Variants in C18orf54 observed in about 807,000 individuals in gnomAD.
C18orf54 encodes the protein chromosome 18 open reading frame 54.
Under a neutral mutation model 49.3 loss-of-function variants are expected in C18orf54, and 49 were observed. That is an observed-to-expected ratio of 0.99 (90% CI 0.79 to 1.26). C18orf54 has a LOEUF of 1.26. Among genes scored for constraint, C18orf54 ranks in the 50% most tolerant of loss-of-function variants. The pLI is 0.00. For missense variants in C18orf54, 687 were observed against 620.6 expected (o/e 1.11, Z -1.14); for synonymous variants, 211 against 216.6 (o/e 0.97, Z 0.23).
At chr18:54,371,760 TA>T (rs755608381) in intron 6 of C18orf54, among the ~76,000 whole-genome samples, 23 of 152,284 alleles carry the variant, frequency 1.5e-4, no homozygotes, top group African/African-American at 4.3e-4. Flanking sequence ...TGAAATATAT[TA>T]AATTACAGAC....
chr18:54,362,230 A>G lies in C18orf54; in HGVS notation c.871A>G (p.Arg291Gly). ...QIFKDDQCSP[R>G]HSHQAQGTSR... ...ATTTAAAGATGATCAGTGTTCCCCT[A>G]GACATAGTCATCAGGCACAAGGAAC... Residue 291 changes from arginine to glycine, a missense_variant, in exon 4 of 9, where the codon AGA becomes GGA. Transcript: ENST00000620105. 6.5e-7 allele frequency: 1 copy of G among 1,536,428 alleles called. No individual in the cohort carries two copies. The highest frequency in any genetic ancestry group is 8.7e-7 in the Non-Finnish European group (1 of 1,146,926).
Position 54,372,607 on chromosome 18 carries a change from A to G in C18orf54, c.1458+10A>G. 6.4e-7 allele frequency: 1 copy of G among 1,562,162 alleles called. No individual in the cohort carries two copies. The highest frequency in any genetic ancestry group is 8.7e-7 in the Non-Finnish European group (1 of 1,153,376). On this transcript the variant is annotated intron_variant, in intron 7 of 8. Transcript: ENST00000620105. ...AGAAGAGATTAAACAAGTAAGCACAAACATGATTTATGAATTGAGATTTGT... is the reference window on the plus strand; with the variant it reads ...AGAAGAGATTAAACAAGTAAGCACAGACATGATTTATGAATTGAGATTTGT...
intron 8 of C18orf54, among the ~76,000 whole-genome samples, chr18:54,376,975 A>G (rs1230054891): frequency 2.0e-5 from 3 of 152,030 alleles, no homozygotes; most frequent in Admixed American, 6.6e-5. Context: ...GCTCACCATA[A>G]ATGGAAATTA....
At chr18:54,371,955 A>AGT (rs1433376434) in intron 6 of C18orf54, among the ~76,000 whole-genome samples, 1 of 152,108 alleles carries the variant, frequency 6.6e-6, no homozygotes, top group Admixed American at 6.5e-5. Context: ...CTTTGAACAC[A>AGT]AATAAGTCCA....
rs577358099 is a variant in C18orf54, at chr18:54,359,366, C to T, written c.-47+496C>T. On this transcript the variant is annotated intron_variant, in intron 2 of 8. Coordinates refer to ENST00000620105, the MANE Select transcript of C18orf54 (RefSeq NM_001288980.2). The stretch of plus-strand genomic sequence containing the variant: ...AGAGATATACCAGTATTACAGAATT[C>T]AGATAAATCAATGAGACGAAACAAC... Among the ~76,000 whole-genome samples, 3 of 152,308 alleles carry T rather than the reference C, an allele frequency of 2.0e-5. No homozygotes were observed. In the East Asian group the frequency reaches 5.8e-4, roughly 29 times the overall value.
intron 5 of C18orf54, among the ~76,000 whole-genome samples, chr18:54,364,213 C>G (rs936331900): frequency 2.0e-5 from 3 of 151,450 alleles, no homozygotes; most frequent in African/African-American, 2.4e-5. Context: ...CTTCTTGTGT[C>G]CTAGTTGCTT....
intron 6 of C18orf54, among the ~76,000 whole-genome samples, chr18:54,369,395 GT>G (rs1356928022): frequency 1.3e-5 from 2 of 149,278 alleles, no homozygotes; most frequent in African/African-American, 4.9e-5. Context: ...ATGCAAAGTG[GT>G]TTTAGAATTG....
At chr18:54,370,526 C>T (rs1185093218) in intron 6 of C18orf54, among the ~76,000 whole-genome samples, 1 of 152,100 alleles carries the variant, frequency 6.6e-6, no homozygotes, top group African/African-American at 2.4e-5. Flanking sequence ...TCCTCTTGTT[C>T]TGTTTGGTTT....
intron 8 of C18orf54, among the ~76,000 whole-genome samples, chr18:54,376,760 G>T (rs1427609781): frequency 6.6e-6 from 1 of 152,218 alleles, no homozygotes; most frequent in African/African-American, 2.4e-5. Context: ...TGAGAGAATT[G>T]AGAGTCTTCT....
chr18:54,362,758 C>T lies in C18orf54; in HGVS notation c.1073-13C>T. 1.3e-6 allele frequency: 2 copies of T among 1,597,558 alleles called. No homozygotes were observed. The highest frequency in any genetic ancestry group is 2.3e-5 in the South Asian group (2 of 87,348). On this transcript the variant is annotated splice_polypyrimidine_tract_variant and intron_variant, in intron 4 of 8. Coordinates refer to ENST00000620105, the MANE Select transcript of C18orf54 (RefSeq NM_001288980.2). The stretch of plus-strand genomic sequence containing the variant: ...TTTTTCTTCAAGGATTAATAGTCAT[C>T]TTTTACAATTAGGTGACAAAATTGA...
chr18:54,381,808 C>T lies in C18orf54; in HGVS notation c.*3562C>T, dbSNP rs2089678302. On this transcript the variant is annotated 3_prime_UTR_variant, in exon 9 of 9. Coordinates refer to ENST00000620105, the MANE Select transcript of C18orf54 (RefSeq NM_001288980.2). ...CATTTTAATGTTTTGGGTGGTGCCT[C>T]TTATACTATGTTGTATTCCTAGACA... The T allele has an allele frequency of 6.6e-6, 1 of 152,100 alleles. No homozygotes were observed. Among genetic ancestry groups the T allele is most frequent in the African/African-American group, 2.4e-5 (1 of 41,398 alleles). The allele number at this position is 152,100 out of a possible 1,614,324, so 9.4% of individuals were successfully genotyped here. A position where few individuals can be genotyped will look rare whatever the true frequency, so the allele number is the denominator to read the frequency against.
intron 6 of C18orf54, among the ~76,000 whole-genome samples, chr18:54,369,728 G>A (rs1033455125): frequency 6.6e-6 from 1 of 151,918 alleles, no homozygotes; most frequent in Non-Finnish European, 1.5e-5. Context: ...CTCAACCTCC[G>A]AAAATGTTGG....
In C18orf54 at chr18:54,379,750, G is replaced by A. The variant is rs538291079; in HGVS notation, c.*1504G>A. 6.6e-6 allele frequency: 1 copy of A among 151,826 alleles called. No individual in the cohort carries two copies. The highest frequency in any genetic ancestry group is 1.5e-5 in the Non-Finnish European group (1 of 67,882). The allele number at this position is 151,826 out of a possible 1,614,324, so 9.4% of individuals were successfully genotyped here. ...GTAAACATCAGGTAGGTCTGGGTGG[G>A]TCATGTTCTAGGCCTAGAAAAATAC... On this transcript the variant is annotated 3_prime_UTR_variant, in exon 9 of 9. Transcript: ENST00000620105.
At chr18:54,358,604 G>GCGACCTTCGCTGGC (rs1443341099) in intron 1 of C18orf54, 170 bp from the exon 2 acceptor site, 1 of 152,222 alleles carries the variant, frequency 6.6e-6, no homozygotes, top group Non-Finnish European at 1.5e-5. Flanking sequence ...CTGGAGACGG[G>GCGACCTTCGCTGGC]CGACCTTCGC....
At chr18:54,363,959 A>AT (rs1399545625) in intron 5 of C18orf54, 1 of 152,146 alleles carries the variant, frequency 6.6e-6, no homozygotes, top group African/African-American at 2.4e-5. Flanking sequence ...AGATGGAGAA[A>AT]TAACGTCTGC....
chr18:54,368,216 T>TA (rs1188326309), intron 6 of C18orf54, among the ~76,000 whole-genome samples: 1 of 152,182 alleles, frequency 6.6e-6, no homozygotes, highest in Admixed American at 6.5e-5. Flanking sequence ...CTAGAGTTAT[T>TA]ATATTCCTTT....
At chr18:54,363,277 C>G (rs2089308712) in intron 5 of C18orf54, among the ~76,000 whole-genome samples, 1 of 152,078 alleles carries the variant, frequency 6.6e-6, no homozygotes, top group Non-Finnish European at 1.5e-5. Flanking sequence ...CTCTGTTCCT[C>G]TATAGTCTCT....
In C18orf54 at chr18:54,379,054, A is replaced by G. The variant is rs552242531; in HGVS notation, c.*808A>G. The G allele has an allele frequency of 1.8e-4, 27 of 152,248 alleles. No individual in the cohort carries two copies. The South Asian group carries it at 5.6e-3, about 32-fold the overall frequency. The allele number at this position is 152,248 out of a possible 1,614,324, so 9.4% of individuals were successfully genotyped here. A position where few individuals can be genotyped will look rare whatever the true frequency, so the allele number is the denominator to read the frequency against. On this transcript the variant is annotated 3_prime_UTR_variant, in exon 9 of 9. Transcript: ENST00000620105. ...GCCAATTGCTTTATCAAATTTGATAACTAAAACTTAAAATGAATATGGAAA... is the reference window on the plus strand; with the variant it reads ...GCCAATTGCTTTATCAAATTTGATAGCTAAAACTTAAAATGAATATGGAAA...
At chr18:54,376,395 C>T (rs1037114351) in intron 8 of C18orf54, among the ~76,000 whole-genome samples, 4 of 151,594 alleles carry the variant, frequency 2.6e-5, no homozygotes, top group Non-Finnish European at 4.4e-5. Flanking sequence ...GATGGGGTTT[C>T]GCCATGTTGG....
Sources: gnomAD v4.1 joint callset for allele counts (sites outside exome capture counted in the v4.1 genomes callset) on GRCh38, gnomAD v4.1.1 for gene constraint, MANE v1.5 for transcripts, NCBI Gene and HGNC (gene_info 2026-07-23, HGNC 2026-07-21) for gene names.